The following RYR2 variants were observed in gnomAD, a reference collection of about 807,000 sequenced individuals.
RYR2 encodes the protein ryanodine receptor 2, also known as cardiac muscle ryanodine receptor-calcium release channel.
Under a neutral mutation model 601.1 loss-of-function variants are expected in RYR2, and 227 were observed. That is an observed-to-expected ratio of 0.38 (90% confidence interval 0.34 to 0.42). RYR2 has a LOEUF of 0.42. Among genes scored for constraint, RYR2 ranks in the 10% least tolerant of loss-of-function variants. The probability of loss-of-function intolerance (pLI) is 1.00; values close to 1 mark genes in which losing one functional copy is unlikely to be tolerated. For synonymous variants in RYR2, 2,223 were observed against 2,175.1 expected, an observed-to-expected ratio of 1.02 and a Z score of -0.61; for missense variants, 4,646 against 6,156.5, an observed-to-expected ratio of 0.75 and a Z score of 8.21.
chr1:237,746,161 T>C (rs995045243), intron 80 of RYR2, among the ~76,000 whole-genome samples: 1 of 152,130 alleles, frequency 6.6e-6, no homozygotes, highest in African/African-American at 2.4e-5. Flanking sequence ...TACTTTTACA[T>C]TGAGATGTCT....
intron 9 of RYR2, among the ~76,000 whole-genome samples, chr1:237,387,730 G>T (rs993634688): frequency 6.6e-6 from 1 of 152,136 alleles, no homozygotes; most frequent in African/African-American, 2.4e-5. Context: ...ATGCCTTATA[G>T]CTGGAATACG....
chr1:237,568,092 G>A (rs1343282952), intron 28 of RYR2, among the ~76,000 whole-genome samples: 1 of 152,104 alleles, frequency 6.6e-6, no homozygotes, highest in Non-Finnish European at 1.5e-5. Flanking sequence ...GAAGTAACCT[G>A]AGGAAGTTAA....
intron 1 of RYR2, among the ~76,000 whole-genome samples, chr1:237,182,398 G>A (rs1678872733): frequency 6.6e-6 from 1 of 152,096 alleles, no homozygotes; most frequent in Non-Finnish European, 1.5e-5. Context: ...GGGATTACAG[G>A]CGTGAGCCAC....
chr1:237,727,774 A>T (rs986572664), intron 76 of RYR2, among the ~76,000 whole-genome samples: 1 of 152,130 alleles, frequency 6.6e-6, no homozygotes, highest in African/African-American at 2.4e-5. Context: ...ATGTAAAAAG[A>T]TTTGACAGGC....
chr1:237,633,132 A>T (rs1190275721), intron 42 of RYR2, among the ~76,000 whole-genome samples: 1 of 152,162 alleles, frequency 6.6e-6, no homozygotes, highest in Non-Finnish European at 1.5e-5. Flanking sequence ...ACATCCTATT[A>T]TATGTGCCAC....
At chr1:237,344,624 C>T (rs895759563) in intron 3 of RYR2, among the ~76,000 whole-genome samples, 1 of 152,102 alleles carries the variant, frequency 6.6e-6, no homozygotes, top group South Asian at 2.1e-4. Flanking sequence ...TATTTCTACT[C>T]GTAGAGTTCC....
intron 2 of RYR2, among the ~76,000 whole-genome samples, chr1:237,327,301 G>A (rs1216921269): frequency 3.3e-5 from 5 of 152,094 alleles, no homozygotes; most frequent in African/African-American, 7.2e-5. Flanking sequence ...GATTGTTGGC[G>A]TGTTTATTTA....
At chr1:237,237,508 A>G (rs907445943) in intron 1 of RYR2, among the ~76,000 whole-genome samples, 28 of 152,308 alleles carry the variant, frequency 1.8e-4, no homozygotes, top group African/African-American at 5.5e-4. Context: ...TTCAGGCACA[A>G]TTGGCCAGCA....
intron 23 of RYR2, among the ~76,000 whole-genome samples, chr1:237,508,459 TAA>T (rs34859942): frequency 1.4e-5 from 2 of 141,146 alleles, no homozygotes; most frequent in African/African-American, 2.7e-5. Flanking sequence ...AAGTTCCCAT[TAA>T]AAAAAAAAAA....
intron 40 of RYR2, among the ~76,000 whole-genome samples, chr1:237,627,274 C>A (rs1273415128): frequency 3.3e-5 from 5 of 152,242 alleles, no homozygotes; most frequent in Non-Finnish European, 4.4e-5. Flanking sequence ...CAATCAAATC[C>A]TTTTGAAGAC....
At chr1:237,787,143 A>G (rs1204907368) in intron 91 of RYR2, among the ~76,000 whole-genome samples, 2 of 152,060 alleles carry the variant, frequency 1.3e-5, no homozygotes, top group African/African-American at 4.8e-5. Flanking sequence ...TGTTGGAATT[A>G]ATATATCATT....
Position 237,279,055 on chromosome 1 carries a change from CTA to C in RYR2, c.168+8443_168+8444del, listed in dbSNP as rs377612570. 3.3e-5 allele frequency among the ~76,000 whole-genome samples: 5 copies of C among 152,118 alleles called. No homozygotes were observed. The South Asian group carries it at 1.0e-3, about 32-fold the overall frequency. On this transcript the variant is annotated intron_variant, in intron 2 of 104. Transcript: ENST00000366574. ...TATACGAGCAGATTTTAAATAAATG[CTA>C]TATGTTTTTTTCATAGAGCAGAATA...
intron 1 of RYR2, among the ~76,000 whole-genome samples, chr1:237,103,022 G>A (rs1202568538): frequency 6.6e-6 from 1 of 152,078 alleles, no homozygotes; most frequent in African/African-American, 2.4e-5. Flanking sequence ...GAAACTCCAC[G>A]AAAAACAACC....
At chr1:237,361,995 CT>C (rs767883381) in intron 4 of RYR2, among the ~76,000 whole-genome samples, 115 of 152,272 alleles carry the variant, frequency 7.6e-4, no homozygotes, top group Middle Eastern at 6.8e-3. Flanking sequence ...GATTCTGCTT[CT>C]TTTTGTCATC....
chr1:237,266,693 G>A (rs1415903839), intron 1 of RYR2, among the ~76,000 whole-genome samples: 3 of 152,222 alleles, frequency 2.0e-5, no homozygotes, highest in African/African-American at 7.2e-5. Context: ...GGGCAAACTG[G>A]CAAAAGCTTT....
intron 97 of RYR2, 130 bp from the exon 98 acceptor site, chr1:237,801,726 G>T (rs923345869): frequency 2.3e-5 from 12 of 521,368 alleles, no homozygotes; most frequent in African/African-American, 1.7e-4. Context: ...TGGCATCTGG[G>T]ATAGAACTCG....
At chr1:237,479,473 A>G (rs1661789961) in intron 17 of RYR2, among the ~76,000 whole-genome samples, 2 of 152,130 alleles carry the variant, frequency 1.3e-5, no homozygotes, top group Non-Finnish European at 1.5e-5. Flanking sequence ...TTTAAAATTG[A>G]TGTAACGATG....
intron 88 of RYR2, among the ~76,000 whole-genome samples, chr1:237,781,110 G>A (rs1477713867): frequency 1.3e-5 from 2 of 151,904 alleles, no homozygotes; most frequent in African/African-American, 2.4e-5. Flanking sequence ...GTGCAGTGGC[G>A]TGATCTCTGC....
rs146195382 is a variant in RYR2, at chr1:237,245,096, A to T, written c.49-25401A>T. ...GCTGGGTGTGGTGGTGCATGCCTGT[A>T]GTCTCAGCTGCTTGGGAGACTGAGG... On this transcript the variant is annotated intron_variant, in intron 1 of 104. Coordinates refer to ENST00000366574, the MANE Select transcript of RYR2 (RefSeq NM_001035.3). Among the ~76,000 whole-genome samples, 628 of 152,250 alleles carry T rather than the reference A, an allele frequency of 4.1e-3. 1 individual carries two copies. The highest frequency in any genetic ancestry group is 0.014 in the African/African-American group (601 of 41,544).
Sources: gnomAD v4.1 joint callset for allele counts (sites outside exome capture counted in the v4.1 genomes callset) on GRCh38, gnomAD v4.1.1 for gene constraint, MANE v1.5 for transcripts, NCBI Gene and HGNC (gene_info 2026-07-23, HGNC 2026-07-21) for gene names.